Variants in TNIK observed in about 807,000 individuals in gnomAD.
TNIK encodes TRAF2 and NCK interacting kinase.
Under a neutral mutation model 191.3 loss-of-function variants are expected in TNIK, and 49 were observed. That is an observed-to-expected ratio of 0.26 (90% confidence interval 0.20 to 0.32). The LOEUF is 0.32. TNIK is among the 10% of genes least tolerant of loss of function. The probability of loss-of-function intolerance (pLI) is 1.00; values close to 1 mark genes in which losing one functional copy is unlikely to be tolerated. For synonymous variants in TNIK, 594 were observed against 600.9 expected (o/e 0.99, Z 0.17); for missense variants, 1,155 against 1,702.3 (o/e 0.68, Z 5.66).
In TNIK at chr3:171,232,669, C is replaced by CA. The variant is rs779017436; in HGVS notation, c.124-4449dup. 9.2e-4 allele frequency among the ~76,000 whole-genome samples: 140 copies of CA among 152,268 alleles called. 1 individual carries two copies. The highest frequency in any genetic ancestry group is 1.9e-3 in the Non-Finnish European group (132 of 68,012). On this transcript the variant is annotated intron_variant, in intron 2 of 32. Coordinates refer to ENST00000436636, the MANE Select transcript of TNIK (RefSeq NM_015028.4). ...CACCAGAAAGGAACAAGAAAGGCAT[C>CA]AAAACAAGGGAGGCAGAGCCTTGGG...
chr3:171,116,015 A>T (rs1726631343), intron 18 of TNIK, among the ~76,000 whole-genome samples: 1 of 152,244 alleles, frequency 6.6e-6, no homozygotes, highest in Admixed American at 6.5e-5. Context: ...CACCAGAGCT[A>T]ACCAGTGTGG....
At chr3:171,195,041 G>A (rs1219256925) in intron 4 of TNIK, among the ~76,000 whole-genome samples, 1 of 152,148 alleles carries the variant, frequency 6.6e-6, no homozygotes, top group African/African-American at 2.4e-5. Flanking sequence ...GGTTACAAAA[G>A]TGCACACTGT....
intron 2 of TNIK, among the ~76,000 whole-genome samples, chr3:171,242,379 C>T (rs1013363235): frequency 2.6e-5 from 4 of 152,282 alleles, no homozygotes; most frequent in African/African-American, 9.6e-5. Context: ...GACTCATAAG[C>T]AGGATCTCTT....
intron 17 of TNIK, 150 bp from the exon 18 acceptor site, chr3:171,123,852 A>G (rs750654554): frequency 3.7e-6 from 2 of 539,516 alleles, no homozygotes; most frequent in Non-Finnish European, 6.1e-6. Context: ...TCGAAGAAAT[A>G]TTAAACTCCC....
At chr3:171,247,780 CA>C (rs1452076083) in intron 2 of TNIK, among the ~76,000 whole-genome samples, 1 of 152,128 alleles carries the variant, frequency 6.6e-6, no homozygotes, top group Non-Finnish European at 1.5e-5. Context: ...TACAGAAGAC[CA>C]AGTGAAATAA....
chr3:171,458,029 G>A (rs116424137), intron 1 of TNIK, among the ~76,000 whole-genome samples: 1 of 152,142 alleles, frequency 6.6e-6, no homozygotes, highest in Non-Finnish European at 1.5e-5. Flanking sequence ...ACAAGTCCCG[G>A]CCCAACTTAA....
intron 4 of TNIK, among the ~76,000 whole-genome samples, chr3:171,198,841 A>C (rs1384204288): frequency 6.6e-6 from 1 of 152,218 alleles, no homozygotes; most frequent in African/African-American, 2.4e-5. Context: ...TATTTTCCCG[A>C]GTGAGCAAAA....
intron 23 of TNIK, among the ~76,000 whole-genome samples, chr3:171,088,422 A>T (rs1196910573): frequency 6.6e-6 from 1 of 152,096 alleles, no homozygotes; most frequent in Admixed American, 6.5e-5. Flanking sequence ...TTTAGTAGAG[A>T]TGGGGTTTCA....
intron 12 of TNIK, among the ~76,000 whole-genome samples, chr3:171,149,378 C>A (rs938126122): frequency 3.3e-5 from 5 of 152,284 alleles, no homozygotes; most frequent in African/African-American, 1.2e-4. Context: ...CACTAGCGTA[C>A]TCTACCTTCC....
At chr3:171,116,601 A>G (rs746426174) in intron 18 of TNIK, among the ~76,000 whole-genome samples, 35 of 152,248 alleles carry the variant, frequency 2.3e-4, no homozygotes, top group Non-Finnish European at 1.2e-4. Flanking sequence ...CTTTGATGAC[A>G]CAGCCAATGA....
intron 7 of TNIK, among the ~76,000 whole-genome samples, chr3:171,179,490 C>T (rs962105285): frequency 5.9e-5 from 9 of 151,744 alleles, no homozygotes; most frequent in African/African-American, 1.9e-4. Flanking sequence ...CTCGCTCTGT[C>T]GCCCAGGCTG....
chr3:171,065,914 T>C (rs571342845), intron 32 of TNIK, among the ~76,000 whole-genome samples: 97 of 152,284 alleles, frequency 6.4e-4, no homozygotes, highest in African/African-American at 2.3e-3. Flanking sequence ...TTAGGAGAAT[T>C]TGGGGTGTCT....
intron 18 of TNIK, among the ~76,000 whole-genome samples, chr3:171,116,817 A>C (rs1296674336): frequency 6.6e-6 from 1 of 152,278 alleles, no homozygotes; most frequent in Non-Finnish European, 1.5e-5. Context: ...TTTTAAAAAC[A>C]GTATTTTAAA....
chr3:171,296,118 T>C (rs1377138034), intron 2 of TNIK, among the ~76,000 whole-genome samples: 5 of 152,178 alleles, frequency 3.3e-5, no homozygotes, highest in Non-Finnish European at 7.3e-5. Flanking sequence ...AAGAGTCAAC[T>C]CCTCATATTT....
intron 2 of TNIK, among the ~76,000 whole-genome samples, chr3:171,344,199 C>T (rs772490460): frequency 3.3e-5 from 5 of 152,164 alleles, no homozygotes; most frequent in Admixed American, 1.3e-4. Context: ...ATTCATTTTA[C>T]GTTCACATTT....
At chr3:171,415,998 G>GAAAAAAAA (rs58082222) in intron 1 of TNIK, among the ~76,000 whole-genome samples, 3 of 86,674 alleles carry the variant, frequency 3.5e-5, no homozygotes, top group Non-Finnish European at 4.2e-5. Flanking sequence ...AAAAAAAAAA[G>GAAAAAAAA]AAAGAAAAAG....
chr3:171,281,489 T>C (rs1750419138), intron 2 of TNIK, among the ~76,000 whole-genome samples: 1 of 152,238 alleles, frequency 6.6e-6, no homozygotes, highest in East Asian at 1.9e-4. Context: ...TCTCAGTTTC[T>C]TAATCTACAA....
intron 2 of TNIK, among the ~76,000 whole-genome samples, chr3:171,315,829 A>G (rs1188208299): frequency 6.6e-6 from 1 of 152,004 alleles, no homozygotes; most frequent in Non-Finnish European, 1.5e-5. Context: ...CTGGATTAGG[A>G]CCTACTCTAA....
At chr3:171,439,523 C>A (rs1364709756) in intron 1 of TNIK, 1 of 152,062 alleles carries the variant, frequency 6.6e-6, no homozygotes. Context: ...ATAATTAACC[C>A]AGTGCTTGAC....
Sources: gnomAD v4.1 joint callset for allele counts (sites outside exome capture counted in the v4.1 genomes callset) on GRCh38, gnomAD v4.1.1 for gene constraint, MANE v1.5 for transcripts, NCBI Gene and HGNC (gene_info 2026-07-23, HGNC 2026-07-21) for gene names.